The following ITGBL1 variants were observed in gnomAD, a reference collection of about 807,000 sequenced individuals.
The protein encoded by ITGBL1 is integrin beta-like protein 1.
ITGBL1 carries 51 observed loss-of-function variants against 68.5 expected under a neutral mutation model. The observed-to-expected ratio is 0.74, with a 90% CI of 0.59 to 0.94. The LOEUF (loss-of-function observed/expected upper bound fraction) is 0.94. Among genes scored for constraint, ITGBL1 ranks in the 40% least tolerant of loss-of-function variants. The pLI, the probability that ITGBL1 is intolerant of heterozygous loss-of-function variation, is 0.00. For missense variants in ITGBL1, 649 were observed against 647.4 expected (o/e 1.00, Z -0.03); for synonymous variants, 209 against 227.3 (o/e 0.92, Z 0.72).
intron 7 of ITGBL1, among the ~76,000 whole-genome samples, chr13:101,629,179 C>T (rs1337721428): frequency 2.0e-5 from 3 of 152,012 alleles, no homozygotes. Flanking sequence ...TATTCTTCTT[C>T]ATTCCTTTGA....
chr13:101,538,295 T>G (rs1428263589), intron 2 of ITGBL1, among the ~76,000 whole-genome samples: 3 of 151,514 alleles, frequency 2.0e-5, no homozygotes, highest in Non-Finnish European at 4.4e-5. Context: ...AAGGAAACAG[T>G]TTACTGGGGT....
intron 1 of ITGBL1, 125 bp from the exon 2 acceptor site, chr13:101,453,758 A>G (rs1443809520): frequency 6.1e-6 from 3 of 495,530 alleles, no homozygotes; most frequent in Non-Finnish European, 9.2e-6. Context: ...TGTGGGCCTC[A>G]GGCGTCCTGT....
intron 4 of ITGBL1, among the ~76,000 whole-genome samples, chr13:101,578,584 G>A (rs1197871204): frequency 6.6e-6 from 1 of 152,150 alleles, no homozygotes; most frequent in Non-Finnish European, 1.5e-5. Context: ...AGATGAGCAG[G>A]TAACAGGTTA....
At chr13:101,625,727 T>C (rs183393694) in intron 7 of ITGBL1, among the ~76,000 whole-genome samples, 3 of 152,222 alleles carry the variant, frequency 2.0e-5, no homozygotes, top group African/African-American at 7.2e-5. Flanking sequence ...TAATTTTTTG[T>C]ATTTTTAGTA....
intron 2 of ITGBL1, among the ~76,000 whole-genome samples, chr13:101,565,905 G>A (rs1256422694): frequency 6.6e-6 from 1 of 151,990 alleles, no homozygotes; most frequent in African/African-American, 2.4e-5. Context: ...TCCCTATCCT[G>A]TATACATTTT....
At chr13:101,540,417 T>G (rs2049673075) in intron 2 of ITGBL1, among the ~76,000 whole-genome samples, 1 of 152,212 alleles carries the variant, frequency 6.6e-6, no homozygotes, top group Non-Finnish European at 1.5e-5. Flanking sequence ...TCTATATCTC[T>G]GTTTTGGTAC....
At chr13:101,569,734 T>C (rs1260458107) in intron 3 of ITGBL1, among the ~76,000 whole-genome samples, 1 of 152,170 alleles carries the variant, frequency 6.6e-6, no homozygotes, top group Non-Finnish European at 1.5e-5. Flanking sequence ...CATGATTAGA[T>C]TCATAATACA....
intron 7 of ITGBL1, among the ~76,000 whole-genome samples, chr13:101,651,814 G>A (rs1253970097): frequency 6.6e-6 from 1 of 151,916 alleles, no homozygotes; most frequent in Non-Finnish European, 1.5e-5. Context: ...GTTTTACATT[G>A]AAGTCTTTAA....
chr13:101,626,220 A>G (rs2031773474), intron 7 of ITGBL1, among the ~76,000 whole-genome samples: 1 of 152,176 alleles, frequency 6.6e-6, no homozygotes, highest in Non-Finnish European at 1.5e-5. Context: ...AGTGTCTACA[A>G]ACTTTTCTGG....
intron 9 of ITGBL1, 156 bp from the exon 10 acceptor site, chr13:101,714,282 G>T (rs972331522): frequency 1.1e-5 from 7 of 622,760 alleles, no homozygotes; most frequent in Non-Finnish European, 2.0e-5. Flanking sequence ...ATTACAGTAA[G>T]TAAAGCTCCC....
intron 7 of ITGBL1, among the ~76,000 whole-genome samples, chr13:101,651,364 A>C (rs1433011418): frequency 6.6e-6 from 1 of 152,104 alleles, no homozygotes; most frequent in Non-Finnish European, 1.5e-5. Context: ...ATGGTATCTC[A>C]TTGTAGTTTT....
At chr13:101,571,776 G>T (rs1030477503) in intron 3 of ITGBL1, among the ~76,000 whole-genome samples, 3 of 152,004 alleles carry the variant, frequency 2.0e-5, no homozygotes, top group Non-Finnish European at 4.4e-5. Flanking sequence ...TTTGCACTCT[G>T]CTTTTACGAC....
chr13:101,711,177 T>C (rs2034448077), intron 9 of ITGBL1: 1 of 152,226 alleles, frequency 6.6e-6, no homozygotes, highest in African/African-American at 2.4e-5. Flanking sequence ...GGGGATTTAT[T>C]TGGCTTCAAG....
intron 7 of ITGBL1, among the ~76,000 whole-genome samples, chr13:101,670,867 G>A (rs3916915): frequency 0.58 from 87,534 of 152,014 alleles, 25,618 homozygotes; most frequent in East Asian, 0.88. Flanking sequence ...TGTTATTGAT[G>A]TGAATGTTCC....
intron 5 of ITGBL1, among the ~76,000 whole-genome samples, chr13:101,582,608 C>A (rs577923409): frequency 6.6e-6 from 1 of 152,268 alleles, no homozygotes; most frequent in African/African-American, 2.4e-5. Flanking sequence ...GCAAACCTTA[C>A]TTCTTAGTCT....
chr13:101,546,375 A>G (rs2049824210), intron 2 of ITGBL1, among the ~76,000 whole-genome samples: 1 of 152,184 alleles, frequency 6.6e-6, no homozygotes, highest in South Asian at 2.1e-4. Flanking sequence ...TGTGCATGAT[A>G]TTGTGGAACA....
At chr13:101,482,471 C>A (rs1800350024) in intron 2 of ITGBL1, among the ~76,000 whole-genome samples, 1 of 151,848 alleles carries the variant, frequency 6.6e-6, no homozygotes, top group Non-Finnish European at 1.5e-5. Context: ...AACCTACTCT[C>A]TTTTATAATG....
At chr13:101,483,032 T>C (rs2052852433) in intron 2 of ITGBL1, among the ~76,000 whole-genome samples, 2 of 152,214 alleles carry the variant, frequency 1.3e-5, no homozygotes, top group African/African-American at 2.4e-5. Flanking sequence ...GAGCTGGATC[T>C]ATCCCTGGGT....
At chr13:101,568,513 C>T (rs1021698545) in intron 3 of ITGBL1, among the ~76,000 whole-genome samples, 3 of 151,984 alleles carry the variant, frequency 2.0e-5, no homozygotes, top group African/African-American at 4.8e-5. Context: ...TTTTCTCAAC[C>T]GTGGTTGAAC....
Sources: gnomAD v4.1 joint callset for allele counts (sites outside exome capture counted in the v4.1 genomes callset) on GRCh38, gnomAD v4.1.1 for gene constraint, MANE v1.5 for transcripts, NCBI Gene and HGNC (gene_info 2026-07-23, HGNC 2026-07-21) for gene names.